Variants in BTK observed in about 807,000 individuals in gnomAD.
The protein encoded by BTK is Bruton tyrosine kinase, also known as tyrosine-protein kinase BTK.
Under a neutral mutation model 57.4 loss-of-function variants are expected in BTK, and 5 were observed. The ratio of observed to expected loss-of-function variants is 0.09; its 90% confidence interval spans 0.05 to 0.18. The LOEUF (loss-of-function observed/expected upper bound fraction) is 0.18, where lower values mean the gene tolerates loss of function less well. BTK is among the 10% of genes least tolerant of loss of function. The pLI, the probability that BTK is intolerant of heterozygous loss-of-function variation, is 1.00. For synonymous variants in BTK, 154 were observed against 174.3 expected (o/e 0.88, Z 0.92); for missense variants, 194 against 501.2 (o/e 0.39, Z 5.85).
intron 11 of BTK, 36 bp from the exon 12 acceptor site, chrX:101,358,473 C>A (rs931508651): frequency 8.3e-7 from 1 of 1,208,454 alleles, no homozygotes; most frequent in Non-Finnish European, 1.1e-6. Flanking sequence ...AACTTGGGCA[C>A]AAAGGTCAAC....
chrX:101,369,463 A>C (rs1926955856), intron 5 of BTK, among the ~76,000 whole-genome samples: 1 of 111,997 alleles, frequency 8.9e-6, no homozygotes, highest in Admixed American at 9.5e-5. Flanking sequence ...ACTCTCATAC[A>C]TCATCTATTT....
At chrX:101,370,137 C>T (rs1242017266) in intron 4 of BTK, 58 bp from the exon 5 acceptor site, 16 of 894,255 alleles carry the variant, frequency 1.8e-5, no homozygotes, top group Admixed American at 2.2e-5. Context: ...GGAGAAAGAC[C>T]TTGAAAGTAC....
In BTK at chrX:101,371,716, G is replaced by GA. The variant is rs1401131061; in HGVS notation, c.241-16dup. 6.8e-6 allele frequency: 8 copies of GA among 1,178,110 alleles called. No homozygotes were observed. The highest frequency in any genetic ancestry group is 8.1e-6 in the Non-Finnish European group (7 of 866,265). On this transcript the variant is annotated splice_polypyrimidine_tract_variant and intron_variant, in intron 3 of 18. Transcript: ENST00000308731. ...TCACCTCTTCTCTGTAATGAAATAA[G>GA]AAAAAATGGTTATTGGTTGATGCAT...
At chrX:101,382,846 T>A (rs1927497449) in intron 1 of BTK, among the ~76,000 whole-genome samples, 1 of 111,252 alleles carries the variant, frequency 9.0e-6, no homozygotes, top group African/African-American at 3.3e-5. Flanking sequence ...TTAAACATTT[T>A]ATTTATTTTT....
chrX:101,355,995 A>G (rs782194510), intron 15 of BTK, 57 bp downstream of exon 15: 1 of 1,113,399 alleles, frequency 9.0e-7, no homozygotes, highest in African/African-American at 1.8e-5. Flanking sequence ...TATATCTTCC[A>G]CTGCTACTTC....
At chrX:101,390,445 T>C (rs1377043018), upstream of BTK, 11 of 512,616 alleles carry the variant, frequency 2.1e-5, no homozygotes, top group Non-Finnish European at 3.8e-5. Flanking sequence ...TAGTTCATAA[T>C]TGCACATTTA....
At chrX:101,355,674 A>T (rs1926452058) in intron 15 of BTK, 1 of 218,426 alleles carries the variant, frequency 4.6e-6, no homozygotes, top group Non-Finnish European at 8.5e-6. Flanking sequence ...GGCCAAATGC[A>T]TCCACAGGCC....
At chrX:101,366,074 C>G (rs1201855927) in intron 5 of BTK, among the ~76,000 whole-genome samples, 2 of 111,833 alleles carry the variant, frequency 1.8e-5, no homozygotes, top group Non-Finnish European at 3.8e-5. Context: ...GCATTTGAGA[C>G]CAGCCTGGCT....
intron 18 of BTK, among the ~76,000 whole-genome samples, chrX:101,350,401 CT>C (rs782749965): frequency 0.022 from 1,513 of 68,710 alleles, 47 homozygotes; most frequent in African/African-American, 0.069. Context: ...TACCTGGGAC[CT>C]TTTTTTTTTT....
At chrX:101,360,259 T>C (rs1223364034) in intron 8 of BTK, 109 bp from the exon 9 acceptor site, 5 of 595,603 alleles carry the variant, frequency 8.4e-6, no homozygotes, top group South Asian at 4.5e-5. Context: ...TGGAGGTATA[T>C]GTATCATGCA....
At chrX:101,390,137 T>C (rs1294519899), upstream of BTK, among the ~76,000 whole-genome samples, 2 of 111,985 alleles carry the variant, frequency 1.8e-5, no homozygotes, top group Admixed American at 9.5e-5. Context: ...ATGAGAATAA[T>C]AGTACCACCT....
At chrX:101,386,641 T>C (rs1411510545), upstream of BTK, among the ~76,000 whole-genome samples, 1 of 110,354 alleles carries the variant, frequency 9.1e-6, no homozygotes, top group Non-Finnish European at 1.9e-5. Context: ...GGACACACAG[T>C]TGAACTTGAT....
Position 101,359,442 on chromosome X carries a change from C to T in BTK, c.840-95G>A, listed in dbSNP as rs189750093. The T allele has an allele frequency of 4.1e-5, 34 of 836,325 alleles. 1 individual carries two copies. In the East Asian group the frequency reaches 1.1e-3, roughly 26 times the overall value. 68.9% of individuals were successfully genotyped at this position (836,325 alleles called of 1,213,427 possible). ...GGCTTGTCCATGTCAGTGATTCAGT[C>T]AACTCACTCAAACCCTATTTACTGA... On this transcript the variant is annotated intron_variant, in intron 9 of 18. Transcript: ENST00000308731.
intron 4 of BTK, 26 bp from the exon 5 acceptor site, chrX:101,370,105 A>G (rs782540065): frequency 1.8e-6 from 2 of 1,122,298 alleles, no homozygotes; most frequent in South Asian, 1.8e-5. Context: ...CACAGACTTC[A>G]GCAGTTAGGA....
chrX:101,355,998 G>A, intron 15 of BTK, 54 bp downstream of exon 15: 1 of 1,126,996 alleles, frequency 8.9e-7, no homozygotes, highest in Non-Finnish European at 1.2e-6. Context: ...ATCTTCCACT[G>A]CTACTTCCAC....
chrX:101,351,866 A>T (rs997695757), intron 18 of BTK, among the ~76,000 whole-genome samples: 7 of 111,921 alleles, frequency 6.3e-5, no homozygotes, highest in African/African-American at 2.3e-4. Context: ...AGTAGGTTTT[A>T]AAAAAAATCT....
rs1122765 is a variant in BTK at position 101,349,664 on chromosome X, C to A, written c.*221G>T. On this transcript the variant is annotated 3_prime_UTR_variant, in exon 19 of 19. Coordinates refer to ENST00000308731, the MANE Select transcript of BTK (RefSeq NM_000061.3). Reference sequence around the variant, plus strand: ...ATCGCAAATTCAGTCTGTCTTAATTCTCTCGGGAAATTTCAGGCACAATAA... The same window carrying A: ...ATCGCAAATTCAGTCTGTCTTAATTATCTCGGGAAATTTCAGGCACAATAA... 1.1e-3 allele frequency: 484 copies of A among 421,263 alleles called. 6 individuals are homozygous for A. Among genetic ancestry groups the A allele is most frequent in the African/African-American group, 0.011 (461 of 40,420 alleles). The allele number at this position is 421,263 out of a possible 1,213,427, so 34.7% of individuals were successfully genotyped here.
At chrX:101,372,574 G>A (rs923374960) in intron 3 of BTK, among the ~76,000 whole-genome samples, 2 of 108,459 alleles carry the variant, frequency 1.8e-5, no homozygotes, top group Non-Finnish European at 1.9e-5. Flanking sequence ...TCAGCCTCCC[G>A]AGTAGCTGGG....
chrX:101,356,989 T>C, intron 13 of BTK, 34 bp from the exon 14 acceptor site: 1 of 1,197,242 alleles, frequency 8.4e-7, no homozygotes, highest in Non-Finnish European at 1.1e-6. Context: ...TTCTTTGGGG[T>C]CATGAATGTA....
Sources: gnomAD v4.1 joint callset for allele counts (sites outside exome capture counted in the v4.1 genomes callset) on GRCh38, gnomAD v4.1.1 for gene constraint, MANE v1.5 for transcripts, NCBI Gene and HGNC (gene_info 2026-07-23, HGNC 2026-07-21) for gene names.